The following MLIP variants were observed in gnomAD, a reference collection of about 807,000 sequenced individuals.
The protein encoded by MLIP is muscular LMNA-interacting protein.
A neutral mutation model predicts 84.8 loss-of-function variants in MLIP; 79 were observed. The observed-to-expected ratio is 0.93, with a 90% CI of 0.78 to 1.12. The LOEUF (loss-of-function observed/expected upper bound fraction) is 1.12, where lower values mean the gene tolerates loss of function less well. Ranked by LOEUF, MLIP falls within the 50% of genes most tolerant of loss-of-function variation. The pLI is 0.00. For missense variants in MLIP, 1,257 were observed against 1,160.6 expected (o/e 1.08, Z -1.21); for synonymous variants, 504 against 463.0 (o/e 1.09, Z -1.14).
chr6:54,251,651 T>TATATAATATAAATATATATTATAAC (rs1411373657), intron 12 of MLIP, among the ~76,000 whole-genome samples: 3,347 of 106,962 alleles, frequency 0.031, 133 homozygotes, highest in Non-Finnish European at 0.046. Context: ...TAACATATAA[T>TATATAATATAAATATATATTATAAC]ATATAATATA....
upstream of MLIP, among the ~76,000 whole-genome samples, chr6:54,110,214 A>T: frequency 6.6e-6 from 1 of 151,348 alleles, no homozygotes; most frequent in East Asian, 1.9e-4. Flanking sequence ...CGATCTCCTG[A>T]CCTTGTGGTC....
intron 11 of MLIP, among the ~76,000 whole-genome samples, chr6:54,228,091 G>A (rs1780708663): frequency 1.1e-5 from 1 of 94,542 alleles, no homozygotes; most frequent in Non-Finnish European, 2.7e-5. Context: ...GCTGAGGCAG[G>A]AGAATGGCAT....
chr6:54,245,679 A>G (rs938034644), intron 12 of MLIP, among the ~76,000 whole-genome samples: 5 of 152,114 alleles, frequency 3.3e-5, no homozygotes, highest in Non-Finnish European at 4.4e-5. Context: ...TTTTTTTAAA[A>G]AAGTTTCTTT....
In MLIP at chr6:54,136,841, G is replaced by A; in HGVS notation, c.772G>A (p.Glu258Lys). The A allele has an allele frequency of 1.3e-6, 2 of 1,534,964 alleles. No individual in the cohort carries two copies. Among genetic ancestry groups the A allele is most frequent in the Non-Finnish European group, 1.7e-6 (2 of 1,145,976 alleles). ...VNLEGASVLEEFHTRRLDVGG... is the reference protein window; with the variant it reads ...VNLEGASVLEKFHTRRLDVGG... ...CCTCGAGGGAGCCTCTGTCCTAGAG[G>A]AGTTCCACACTAGGAGGCTGGATGT... Residue 258 changes from glutamate (E) to lysine (K), a missense_variant, in exon 4 of 14, where the codon GAG (glutamate) becomes AAG (lysine). By Grantham distance (56) the Glu-to-Lys change is moderately conservative. Transcript: ENST00000502396.
chr6:54,139,315 A>C (rs977545432), intron 4 of MLIP, among the ~76,000 whole-genome samples: 5 of 152,248 alleles, frequency 3.3e-5, no homozygotes, highest in African/African-American at 1.2e-4. Context: ...ATAAATAATC[A>C]TCAACTGAGT....
intron 9 of MLIP, among the ~76,000 whole-genome samples, chr6:54,183,743 G>GTT (rs3996970): frequency 0.49 from 56,769 of 116,274 alleles, 15,242 homozygotes; most frequent in South Asian, 0.59. Context: ...GACAGGGTAA[G>GTT]TTTTTTTTTT....
At chr6:54,050,648 G>T (rs532713459) in intron 1 of MLIP, among the ~76,000 whole-genome samples, 108 of 152,096 alleles carry the variant, frequency 7.1e-4, no homozygotes, top group African/African-American at 2.6e-3. Flanking sequence ...TATCTTTATA[G>T]CTAAATTCAA....
intron 11 of MLIP, among the ~76,000 whole-genome samples, chr6:54,208,152 T>G (rs1183301499): frequency 6.6e-6 from 1 of 152,300 alleles, no homozygotes; most frequent in South Asian, 2.1e-4. Context: ...TTTGTTAAAA[T>G]AGAATGTTTT....
chr6:54,105,384 G>T (rs189062460), intron 1 of MLIP, among the ~76,000 whole-genome samples: 2 of 152,216 alleles, frequency 1.3e-5, no homozygotes, highest in Admixed American at 1.3e-4. Flanking sequence ...CTTCTGAACA[G>T]TCAATTCAAA....
rs371396489 is a variant in MLIP at position 54,161,975 on chromosome 6, G to T, written c.2499+1176G>T. Among the ~76,000 whole-genome samples the T allele has an allele frequency of 4.6e-5, 7 of 151,968 alleles. No homozygotes were observed. The East Asian group carries it at 9.7e-4, about 21-fold the overall frequency. ...TAAATATAATGAGAATAGGATTTAAGAAGTTGTATATGAATAGTAATCTAT... is the reference window on the plus strand; with the variant it reads ...TAAATATAATGAGAATAGGATTTAATAAGTTGTATATGAATAGTAATCTAT... On this transcript the variant is annotated intron_variant, in intron 8 of 13. Transcript: ENST00000502396.
At chr6:54,151,696 C>A (rs1773461081) in intron 5 of MLIP, among the ~76,000 whole-genome samples, 1 of 152,138 alleles carries the variant, frequency 6.6e-6, no homozygotes, top group African/African-American at 2.4e-5. Flanking sequence ...GCTATTTCAA[C>A]AATTATCTCT....
chr6:54,095,697 G>A (rs146573470), intron 1 of MLIP, among the ~76,000 whole-genome samples: 2 of 152,282 alleles, frequency 1.3e-5, no homozygotes, highest in East Asian at 3.9e-4. Context: ...GATCTGTAGA[G>A]ACCCCCAAAT....
At position 54,124,659 on chromosome 6, in the gene MLIP, G is replaced by T. The variant is rs368458090; in HGVS notation, c.439G>T (p.Glu147Ter). The change falls in exon 3 of 14, where the codon GAA becomes TAA. Residue 147 changes from glutamate (E) to a stop codon, truncating the protein, a stop_gained. Transcript: ENST00000502396. LOFTEE classifies it high-confidence loss of function. ...TGAATATGTCCTTATTGTGGACTCCGAAGGGGAAGATGAGGCTGCAAGCAG... is the reference window on the plus strand; with the variant it reads ...TGAATATGTCCTTATTGTGGACTCCTAAGGGGAAGATGAGGCTGCAAGCAG... ...KAEYVLIVDS[E>*]GEDEAASRKV... The T allele has an allele frequency of 6.2e-7, 1 of 1,614,206 alleles. No homozygotes were observed. The highest frequency in any genetic ancestry group is 1.7e-5 in the Admixed American group (1 of 60,030).
chr6:54,068,275 T>G (rs1160642482), intron 1 of MLIP, among the ~76,000 whole-genome samples: 1 of 97,090 alleles, frequency 1.0e-5, no homozygotes, highest in South Asian at 3.8e-4. Flanking sequence ...TAGCTGGGAT[T>G]ACAGGAACCG....
chr6:54,098,463 G>A (rs548611902), intron 1 of MLIP, among the ~76,000 whole-genome samples: 6 of 151,186 alleles, frequency 4.0e-5, no homozygotes, highest in Non-Finnish European at 7.4e-5. Flanking sequence ...CACTGTGCTC[G>A]GCTGGGTCTT....
At chr6:54,094,753 T>A (rs2150377931) in intron 1 of MLIP, among the ~76,000 whole-genome samples, 1 of 152,174 alleles carries the variant, frequency 6.6e-6, no homozygotes, top group Non-Finnish European at 1.5e-5. Context: ...CCCAAATGTG[T>A]CTTAAAGTAA....
chr6:54,176,688 T>C (rs1044402868), intron 9 of MLIP, among the ~76,000 whole-genome samples: 3 of 151,854 alleles, frequency 2.0e-5, no homozygotes, highest in South Asian at 2.1e-4. Context: ...CTTCACAGAA[T>C]TAGAAAAAAA....
chr6:54,237,988 A>T (rs1204656307), intron 12 of MLIP, among the ~76,000 whole-genome samples: 1 of 152,170 alleles, frequency 6.6e-6, no homozygotes, highest in Non-Finnish European at 1.5e-5. Flanking sequence ...TTAATATTTT[A>T]AAATTGTATC....
chr6:54,079,027 A>G (rs1766976203), intron 1 of MLIP, among the ~76,000 whole-genome samples: 1 of 152,198 alleles, frequency 6.6e-6, no homozygotes, highest in Non-Finnish European at 1.5e-5. Flanking sequence ...ATGTTGCACA[A>G]AATATTTGGG....
Sources: allele counts gnomAD v4.1 joint callset (sites outside exome capture counted in the v4.1 genomes callset), GRCh38; gene constraint gnomAD v4.1.1; transcripts MANE v1.5; gene names NCBI Gene and HGNC (gene_info 2026-07-23, HGNC 2026-07-21).